KLF8: variants seen among roughly 807,000 people sequenced by gnomAD.
The protein encoded by KLF8 is KLF transcription factor 8.
KLF8 carries 10 observed loss-of-function variants against 18.2 expected under a neutral mutation model. The observed-to-expected ratio is 0.55, with a 90% CI of 0.34 to 0.93. KLF8 has a LOEUF of 0.93. KLF8 is among the 40% of genes least tolerant of loss of function. KLF8 has a pLI of 0.02. For missense variants in KLF8, 264 were observed against 277.9 expected (o/e 0.95, Z 0.36); for synonymous variants, 109 against 97.3 (o/e 1.12, Z -0.71).
At chrX:56,279,273 C>T (rs2067165660) in intron 5 of KLF8, among the ~76,000 whole-genome samples, 1 of 110,999 alleles carries the variant, frequency 9.0e-6, no homozygotes, top group Admixed American at 9.6e-5. Context: ...ATTGGTAGAA[C>T]ATTCTATTTG....
intron 2 of KLF8, among the ~76,000 whole-genome samples, chrX:56,253,626 C>T (rs2066744780): frequency 9.1e-6 from 1 of 110,416 alleles, no homozygotes; most frequent in Non-Finnish European, 1.9e-5. Flanking sequence ...TATAGTATAA[C>T]TTGAAGTCAG....
the KLF8 span, among the ~76,000 whole-genome samples, chrX:56,044,009 T>C: frequency 9.2e-6 from 1 of 108,976 alleles, no homozygotes; most frequent in African/African-American, 3.6e-5. Context: ...GTTGATGTTG[T>C]TGTTGTTTTC....
At chrX:56,166,312 T>C in the KLF8 span, among the ~76,000 whole-genome samples, 1 of 111,949 alleles carries the variant, frequency 8.9e-6, no homozygotes, top group African/African-American at 3.2e-5. Context: ...CTAAAATGTA[T>C]GATATTCTTC....
At chrX:56,000,014 C>G in the KLF8 span, among the ~76,000 whole-genome samples, 5 of 111,613 alleles carry the variant, frequency 4.5e-5, no homozygotes, top group African/African-American at 1.6e-4. Flanking sequence ...GAGGTACATT[C>G]TTTCTATGTC....
the KLF8 span, among the ~76,000 whole-genome samples, chrX:56,171,566 C>G: frequency 1.8e-5 from 2 of 110,872 alleles, no homozygotes; most frequent in South Asian, 7.7e-4. Context: ...TGTTCCCCAC[C>G]CTGTGTCCAA....
At chrX:55,963,447 T>A in the KLF8 span, among the ~76,000 whole-genome samples, 1 of 111,701 alleles carries the variant, frequency 9.0e-6, no homozygotes, top group African/African-American at 3.3e-5. Flanking sequence ...TGCTGCCAGC[T>A]GGGATCAAGC....
chrX:56,102,211 C>A, the KLF8 span, among the ~76,000 whole-genome samples: 1 of 110,888 alleles, frequency 9.0e-6, no homozygotes, highest in Non-Finnish European at 1.9e-5. Context: ...ATAAGGAGTC[C>A]TTTCCTTATT....
chrX:56,185,586 G>A, the KLF8 span, among the ~76,000 whole-genome samples: 1 of 111,606 alleles, frequency 9.0e-6, no homozygotes, highest in African/African-American at 3.3e-5. Flanking sequence ...ATTCTCCAAA[G>A]TTGAAATGAA....
chrX:56,024,512 A>T, the KLF8 span, among the ~76,000 whole-genome samples: 6 of 111,614 alleles, frequency 5.4e-5, no homozygotes, highest in African/African-American at 1.6e-4. Flanking sequence ...GTAGTGAAGG[A>T]AGTGGCTTTA....
the KLF8 span, among the ~76,000 whole-genome samples, chrX:56,200,665 T>C: frequency 1.8e-5 from 2 of 108,219 alleles, no homozygotes; most frequent in Non-Finnish European, 3.8e-5. Flanking sequence ...AAAAAAAAAA[T>C]GAAAAGCCAT....
intron 5 of KLF8, among the ~76,000 whole-genome samples, chrX:56,273,874 T>C (rs961810097): frequency 1.1e-4 from 12 of 112,410 alleles, no homozygotes; most frequent in African/African-American, 3.9e-4. Flanking sequence ...GATAAATGTC[T>C]TTTTAGCTCT....
chrX:56,111,843 A>C, the KLF8 span, among the ~76,000 whole-genome samples: 1 of 112,217 alleles, frequency 8.9e-6, no homozygotes. Flanking sequence ...CAGATGCTGG[A>C]GAGGATGTGG....
At chrX:56,130,984 G>A in the KLF8 span, among the ~76,000 whole-genome samples, 6 of 111,217 alleles carry the variant, frequency 5.4e-5, no homozygotes, top group Non-Finnish European at 1.1e-4. Flanking sequence ...AATGTGCAAA[G>A]CCTCCAAGAA....
chrX:55,923,397 A>G, the KLF8 span, among the ~76,000 whole-genome samples: 2 of 110,633 alleles, frequency 1.8e-5, no homozygotes, highest in African/African-American at 6.6e-5. Flanking sequence ...TGGGCTTAAT[A>G]CCTAGGTGAT....
the KLF8 span, among the ~76,000 whole-genome samples, chrX:56,079,797 G>T: frequency 8.5e-4 from 93 of 109,959 alleles, no homozygotes; most frequent in Non-Finnish European, 1.5e-3. Context: ...CTCTTTGTAG[G>T]TCACTCAGGA....
At chrX:56,029,182 A>G in the KLF8 span, among the ~76,000 whole-genome samples, 4 of 110,623 alleles carry the variant, frequency 3.6e-5, no homozygotes, top group Non-Finnish European at 7.6e-5. Flanking sequence ...TTGCTTAGCT[A>G]GTGCCGGTTT....
the KLF8 span, among the ~76,000 whole-genome samples, chrX:55,992,752 T>C: frequency 2.1e-4 from 24 of 112,128 alleles, no homozygotes; most frequent in Non-Finnish European, 3.8e-5. Flanking sequence ...TTTCCAGTTG[T>C]TTGTTTAATC....
the KLF8 span, among the ~76,000 whole-genome samples, chrX:56,168,671 C>T: frequency 2.0e-5 from 2 of 99,870 alleles, no homozygotes; most frequent in Admixed American, 1.1e-4. Flanking sequence ...TGACAGTCCC[C>T]GATGTGTGAT....
chrX:56,153,178 C>T, the KLF8 span, among the ~76,000 whole-genome samples: 3 of 110,472 alleles, frequency 2.7e-5, no homozygotes, highest in Admixed American at 9.7e-5. Flanking sequence ...AAAAATATTG[C>T]ATTTCCCAAA....
Sources: gnomAD v4.1 joint callset for allele counts (sites outside exome capture counted in the v4.1 genomes callset) on GRCh38, gnomAD v4.1.1 for gene constraint, MANE v1.5 for transcripts, NCBI Gene and HGNC (gene_info 2026-07-23, HGNC 2026-07-21) for gene names.